GYPC: variants seen among roughly 807,000 people sequenced by gnomAD.
The protein encoded by GYPC is glycophorin-C.
Under a neutral mutation model 12.6 loss-of-function variants are expected in GYPC, and 14 were observed. That is an observed-to-expected ratio of 1.11 (90% CI 0.74 to 1.74). GYPC has a LOEUF of 1.74. Among genes scored for constraint, GYPC ranks in the 40% most tolerant of loss-of-function variants. GYPC has a pLI of 0.00. For synonymous variants in GYPC, 78 were observed against 62.1 expected (o/e 1.26, Z -1.20); for missense variants, 225 against 172.1 (o/e 1.31, Z -1.72).
In GYPC at chr2:126,693,891, C is replaced by T. The variant is rs139780142; in HGVS notation, c.134C>T (p.Pro45Leu). 71 of 1,612,068 alleles carry T rather than the reference C, an allele frequency of 4.4e-5. 2 individuals are homozygous for T. Among genetic ancestry groups the T allele is most frequent in the South Asian group, 3.5e-4 (32 of 91,044 alleles). ...CCTGATCCAGGGATGTCTGGATGGCCGGATGGCAGAATGGAGACCTCCACC... is the reference window on the plus strand; with the variant it reads ...CCTGATCCAGGGATGTCTGGATGGCTGGATGGCAGAATGGAGACCTCCACC... ...AEPDPGMSGW[P>L]DGRMETSTPT... Residue 45 changes from proline to leucine, a missense_variant, in exon 3 of 4, where the codon CCG becomes CTG. Transcript: ENST00000259254.
intron 2 of GYPC, among the ~76,000 whole-genome samples, chr2:126,691,507 G>A (rs544632726): frequency 9.7e-4 from 147 of 152,268 alleles, no homozygotes; most frequent in Non-Finnish European, 6.3e-4. Flanking sequence ...TCGCCAGGAG[G>A]GAATGGGAGC....
chr2:126,680,671 C>T (rs1352457158), intron 1 of GYPC, among the ~76,000 whole-genome samples: 1 of 152,216 alleles, frequency 6.6e-6, no homozygotes, highest in Non-Finnish European at 1.5e-5. Flanking sequence ...CCACAGCGCA[C>T]ATTTCTCAGT....
chr2:126,679,078 T>A lies in GYPC; in HGVS notation c.50-11177T>A, dbSNP rs866241953. Among the ~76,000 whole-genome samples, 6 of 152,366 alleles carry A rather than the reference T, an allele frequency of 3.9e-5. No homozygotes were observed. In the Middle Eastern group the frequency reaches 0.01, roughly 259 times the overall value. On this transcript the variant is annotated intron_variant, in intron 1 of 3. Transcript: ENST00000259254. ...CATGTAATTAAGTACCTAATTATGCTGAAAATGCAATTATATGATTTTTTA... is the reference window on the plus strand; with the variant it reads ...CATGTAATTAAGTACCTAATTATGCAGAAAATGCAATTATATGATTTTTTA...
chr2:126,683,306 C>T (rs918055512), intron 1 of GYPC, among the ~76,000 whole-genome samples: 17 of 150,022 alleles, frequency 1.1e-4, no homozygotes, highest in African/African-American at 3.2e-4. Context: ...GGCAACAGAG[C>T]GAGACTCTGT....
At chr2:126,675,873 C>G (rs1682982769) in intron 1 of GYPC, 1 of 179,504 alleles carries the variant, frequency 5.6e-6, no homozygotes, top group Admixed American at 6.5e-5. Flanking sequence ...CATTTATATT[C>G]TTTCATTTTT....
chr2:126,661,357 G>A (rs781680780), intron 1 of GYPC, among the ~76,000 whole-genome samples: 23 of 152,090 alleles, frequency 1.5e-4, no homozygotes, highest in Admixed American at 2.6e-4. Context: ...TTCTGCTGGC[G>A]TCACCACCCC....
intron 1 of GYPC, among the ~76,000 whole-genome samples, chr2:126,677,514 T>A (rs1221157309): frequency 3.3e-5 from 3 of 91,992 alleles, no homozygotes; most frequent in South Asian, 6.2e-4. Flanking sequence ...AGAGTGTGTG[T>A]GAGTCTGTGT....
Position 126,696,159 on chromosome 2 carries a change from C to A in GYPC, c.*17C>A, listed in dbSNP as rs776487316. ...TTTATTTGAGGGACAACAGACTTCA[C>A]TTCCCTGAATGCCTCCCCCATCTCC... is the stretch of plus-strand genomic sequence containing the variant. On this transcript the variant is annotated 3_prime_UTR_variant, in exon 4 of 4. Coordinates refer to ENST00000259254, the MANE Select transcript of GYPC (RefSeq NM_002101.5). The A allele has an allele frequency of 6.3e-7, 1 of 1,592,608 alleles. No individual in the cohort carries two copies. Among genetic ancestry groups the A allele is most frequent in the Non-Finnish European group, 8.6e-7 (1 of 1,160,684 alleles).
chr2:126,690,137 A>C, intron 1 of GYPC, 118 bp from the exon 2 acceptor site: 1 of 787,564 alleles, frequency 1.3e-6, no homozygotes, highest in Admixed American at 1.8e-5. Context: ...GTCTCTGTCC[A>C]CTTGAACCCA....
chr2:126,663,855 T>G (rs908147799), intron 1 of GYPC, among the ~76,000 whole-genome samples: 1 of 152,184 alleles, frequency 6.6e-6, no homozygotes, highest in Non-Finnish European at 1.5e-5. Flanking sequence ...CCTCATGCGC[T>G]CTACCTTTCA....
At chr2:126,667,528 C>T (rs974220947) in intron 1 of GYPC, among the ~76,000 whole-genome samples, 9 of 151,946 alleles carry the variant, frequency 5.9e-5, no homozygotes, top group Admixed American at 1.3e-4. Context: ...CTTAGCCTCC[C>T]GAGTAGCTGG....
intron 1 of GYPC, among the ~76,000 whole-genome samples, chr2:126,677,675 T>C (rs2104789637): frequency 6.6e-6 from 1 of 152,014 alleles, no homozygotes; most frequent in South Asian, 2.1e-4. Flanking sequence ...AGTGCTGCTT[T>C]GTATGTGTTG....
intron 1 of GYPC, among the ~76,000 whole-genome samples, chr2:126,680,575 C>T (rs1683125469): frequency 6.6e-6 from 1 of 152,200 alleles, no homozygotes; most frequent in Non-Finnish European, 1.5e-5. Context: ...AAATGCCCAG[C>T]CTCTGACCTG....
chr2:126,691,650 G>A (rs1408538418), intron 2 of GYPC, among the ~76,000 whole-genome samples: 3 of 152,084 alleles, frequency 2.0e-5, no homozygotes, highest in African/African-American at 7.2e-5. Flanking sequence ...CTGTTTTCTG[G>A]GACTTCCCTG....
At chr2:126,692,443 T>A (rs1421843229) in intron 2 of GYPC, among the ~76,000 whole-genome samples, 1 of 152,158 alleles carries the variant, frequency 6.6e-6, no homozygotes, top group African/African-American at 2.4e-5. Flanking sequence ...CTGGGGAGAA[T>A]GACCTCATAG....
At chr2:126,670,199 A>G (rs1219378532) in intron 1 of GYPC, among the ~76,000 whole-genome samples, 1 of 152,194 alleles carries the variant, frequency 6.6e-6, no homozygotes, top group Non-Finnish European at 1.5e-5. Flanking sequence ...GTGCTGCAGC[A>G]CGCCACTGCC....
chr2:126,692,108 A>C (rs1365773869), intron 2 of GYPC, among the ~76,000 whole-genome samples: 2 of 152,136 alleles, frequency 1.3e-5, no homozygotes, highest in Non-Finnish European at 2.9e-5. Context: ...AATAAAGTCT[A>C]GCACCCACTT....
intron 1 of GYPC, among the ~76,000 whole-genome samples, chr2:126,666,748 CACACACACAT>C (rs1240144441): frequency 1.6e-4 from 16 of 98,080 alleles, no homozygotes; most frequent in African/African-American, 5.0e-4. Context: ...CACACACACA[CACACACACAT>C]ATGCACGCAC....
chr2:126,675,746 G>A (rs1030324716), intron 1 of GYPC: 109 of 918,466 alleles, frequency 1.2e-4, no homozygotes, highest in Non-Finnish European at 1.4e-4. Flanking sequence ...CCTCACCCAA[G>A]CAGGTGAGTA....
Sources: gnomAD v4.1 joint callset for allele counts (sites outside exome capture counted in the v4.1 genomes callset) on GRCh38, gnomAD v4.1.1 for gene constraint, MANE v1.5 for transcripts, NCBI Gene and HGNC (gene_info 2026-07-23, HGNC 2026-07-21) for gene names.